Variants in GRIK2 observed in about 807,000 individuals in gnomAD.
GRIK2 encodes glutamate receptor ionotropic, kainate 2.
A neutral mutation model predicts 100.3 loss-of-function variants in GRIK2; 32 were observed. The ratio of observed to expected loss-of-function variants is 0.32; its 90% CI spans 0.24 to 0.43. GRIK2 has a LOEUF of 0.43. Among genes scored for constraint, GRIK2 ranks in the 20% least tolerant of loss-of-function variants. GRIK2 has a pLI of 1.00. For synonymous variants in GRIK2, 417 were observed against 389.4 expected (o/e 1.07, Z -0.83); for missense variants, 843 against 1,114.9 (o/e 0.76, Z 3.47).
chr6:101,700,631 G>T (rs1471344775), intron 7 of GRIK2, among the ~76,000 whole-genome samples: 1 of 152,108 alleles, frequency 6.6e-6, no homozygotes, highest in Non-Finnish European at 1.5e-5. Context: ...TGGGACTGAG[G>T]TGCCAATATA....
intron 7 of GRIK2, among the ~76,000 whole-genome samples, chr6:101,785,849 T>A (rs187317046): frequency 7.9e-4 from 120 of 152,240 alleles, no homozygotes; most frequent in Non-Finnish European, 1.6e-3. Flanking sequence ...CTTTTCTATT[T>A]CTGTGAAGAA....
At chr6:102,048,299 G>A (rs1253314960) in intron 15 of GRIK2, among the ~76,000 whole-genome samples, 2 of 151,822 alleles carry the variant, frequency 1.3e-5, no homozygotes, top group Non-Finnish European at 2.9e-5. Context: ...ATTGAGTTGG[G>A]CAATATTTTT....
chr6:101,692,994 ATCT>A (rs1246020864), intron 7 of GRIK2, among the ~76,000 whole-genome samples: 9 of 152,094 alleles, frequency 5.9e-5, no homozygotes, highest in African/African-American at 9.7e-5. Context: ...GTACATATTA[ATCT>A]TCTAAGATGC....
chr6:101,683,318 T>C (rs7774911), intron 6 of GRIK2, among the ~76,000 whole-genome samples: 12,602 of 152,274 alleles, frequency 0.083, 1,708 homozygotes, highest in African/African-American at 0.29. Context: ...AGATTACATT[T>C]TCTATTCTGC....
intron 12 of GRIK2, among the ~76,000 whole-genome samples, chr6:101,909,378 T>TG (rs1554284520): frequency 1.7e-5 from 2 of 120,350 alleles, no homozygotes; most frequent in Non-Finnish European, 3.6e-5. Context: ...AGGGTTTTCT[T>TG]TTTCTTTTTT....
intron 16 of GRIK2, chr6:102,063,893 T>G (rs2114530970): frequency 1.4e-6 from 1 of 694,268 alleles, no homozygotes; most frequent in African/African-American, 1.9e-5. Context: ...TGAATTTTAT[T>G]AAGAGTTTTA....
intron 14 of GRIK2, among the ~76,000 whole-genome samples, chr6:102,000,097 T>C (rs1275233583): frequency 6.6e-6 from 1 of 152,084 alleles, no homozygotes; most frequent in African/African-American, 2.4e-5. Flanking sequence ...GGGATATTGG[T>C]CTAAAGTTTG....
intron 14 of GRIK2, among the ~76,000 whole-genome samples, chr6:101,970,057 T>A (rs901826336): frequency 1.2e-4 from 18 of 152,218 alleles, no homozygotes; most frequent in African/African-American, 3.8e-4. Context: ...ATCACATGCC[T>A]ATTTTTATAT....
At chr6:101,754,025 C>CT (rs1293145594) in intron 7 of GRIK2, among the ~76,000 whole-genome samples, 3 of 151,754 alleles carry the variant, frequency 2.0e-5, no homozygotes, top group Non-Finnish European at 2.9e-5. Context: ...AGATAAATTA[C>CT]TTTTTTTAAT....
chr6:101,482,149 T>C (rs539815827), intron 2 of GRIK2, among the ~76,000 whole-genome samples: 3 of 152,338 alleles, frequency 2.0e-5, no homozygotes, highest in Admixed American at 6.5e-5. Flanking sequence ...TTGGTTATTA[T>C]ACACACTAGT....
chr6:101,450,541 C>T (rs1440727336), intron 2 of GRIK2, among the ~76,000 whole-genome samples: 1 of 151,640 alleles, frequency 6.6e-6, no homozygotes, highest in Non-Finnish European at 1.5e-5. Context: ...CTGGTCCAGA[C>T]CCCAGCTGGC....
intron 4 of GRIK2, among the ~76,000 whole-genome samples, chr6:101,652,948 C>T (rs1160653049): frequency 1.3e-5 from 2 of 152,062 alleles, no homozygotes; most frequent in Non-Finnish European, 2.9e-5. Flanking sequence ...AAGAAGACTA[C>T]ATATCACGTA....
chr6:101,396,524 CA>C (rs1208576957), intron 1 of GRIK2, among the ~76,000 whole-genome samples: 2 of 151,638 alleles, frequency 1.3e-5, no homozygotes, highest in South Asian at 2.1e-4. Context: ...TGCCCTATTA[CA>C]AAAAAAGATA....
intron 7 of GRIK2, among the ~76,000 whole-genome samples, chr6:101,754,853 A>G (rs777817051): frequency 1.3e-5 from 2 of 152,192 alleles, no homozygotes; most frequent in African/African-American, 2.4e-5. Context: ...GTTACTCGGT[A>G]TGGATGGATC....
intron 7 of GRIK2, among the ~76,000 whole-genome samples, chr6:101,761,866 C>T (rs1323148239): frequency 8.1e-6 from 1 of 123,304 alleles, no homozygotes; most frequent in African/African-American, 3.3e-5. Context: ...CCTTTCCTTT[C>T]CCCTCCCTTC....
At chr6:101,942,107 A>C (rs1578290) in intron 14 of GRIK2, among the ~76,000 whole-genome samples, 5,218 of 152,250 alleles carry the variant, frequency 0.034, 316 homozygotes, top group African/African-American at 0.12. Flanking sequence ...TTAAAAAAAA[A>C]CACAGATTTA....
At chr6:102,026,729 C>G (rs1166320901) in intron 14 of GRIK2, among the ~76,000 whole-genome samples, 1 of 151,264 alleles carries the variant, frequency 6.6e-6, no homozygotes, top group Non-Finnish European at 1.5e-5. Context: ...CTGAGAAGAG[C>G]AATTCTCTCT....
intron 16 of GRIK2, among the ~76,000 whole-genome samples, chr6:102,063,524 A>G (rs1204815036): frequency 6.6e-6 from 1 of 150,792 alleles, no homozygotes; most frequent in Non-Finnish European, 1.5e-5. Flanking sequence ...GAAGCTACAT[A>G]TGTCAATTAT....
At chr6:101,586,380 G>A (rs1280406852) in intron 2 of GRIK2, among the ~76,000 whole-genome samples, 1 of 152,050 alleles carries the variant, frequency 6.6e-6, no homozygotes, top group Non-Finnish European at 1.5e-5. Flanking sequence ...TCATGGTACA[G>A]AGATCTCCAA....
Sources: allele counts gnomAD v4.1 joint callset (sites outside exome capture counted in the v4.1 genomes callset), GRCh38; gene constraint gnomAD v4.1.1; transcripts MANE v1.5; gene names NCBI Gene and HGNC (gene_info 2026-07-23, HGNC 2026-07-21).